The following SVEP1 variants were observed in gnomAD, a reference collection of about 807,000 sequenced individuals.
SVEP1 encodes sushi, von Willebrand factor type A, EGF and pentraxin domain-containing protein 1.
A neutral mutation model predicts 367.3 loss-of-function variants in SVEP1; 164 were observed. The observed-to-expected ratio is 0.45, with a 90% CI of 0.39 to 0.51. The LOEUF (loss-of-function observed/expected upper bound fraction) is 0.51, where lower values mean the gene tolerates loss of function less well. Ranked by LOEUF, SVEP1 falls within the 20% of genes least tolerant of loss-of-function variation. The probability of loss-of-function intolerance (pLI) is 0.00; values close to 1 mark genes in which losing one functional copy is unlikely to be tolerated. For missense variants in SVEP1, 4,117 were observed against 4,425.3 expected (o/e 0.93, Z 1.98); for synonymous variants, 1,666 against 1,611.6 (o/e 1.03, Z -0.81).
In SVEP1 at chr9:110,393,723, C is replaced by T. The variant is rs569591457; in HGVS notation, c.9823-4136G>A. 3.3e-5 allele frequency among the ~76,000 whole-genome samples: 5 copies of T among 152,342 alleles called. No individual in the cohort carries two copies. In the East Asian group the frequency reaches 7.7e-4, roughly 24 times the overall value. On this transcript the variant is annotated intron_variant, in intron 40 of 47. Transcript: ENST00000374469. Reference sequence around the variant, plus strand: ...CCAGGAGATTATATCCCGCACCTGGCTCAGAGGGTCCTATGCCCACAGAGT... The same window carrying T: ...CCAGGAGATTATATCCCGCACCTGGTTCAGAGGGTCCTATGCCCACAGAGT...
chr9:110,476,489 T>C (rs900308150), intron 13 of SVEP1, among the ~76,000 whole-genome samples, 174 bp from the exon 14 acceptor site: 1 of 152,188 alleles, frequency 6.6e-6, no homozygotes, highest in African/African-American at 2.4e-5. Flanking sequence ...CCTCTAACTG[T>C]CTGTTGGTCA....
intron 26 of SVEP1, 109 bp downstream of exon 26, chr9:110,445,728 T>C (rs1828583437): frequency 1.6e-6 from 2 of 1,242,882 alleles, no homozygotes; most frequent in Non-Finnish European, 2.3e-6. Context: ...CCCTGCTGTT[T>C]TCTGGGAACA....
chr9:110,482,474 G>A lies in SVEP1; in HGVS notation c.2057C>T (p.Thr686Ile). 1.3e-6 allele frequency: 2 copies of A among 1,576,610 alleles called. No homozygotes were observed. The highest frequency in any genetic ancestry group is 1.7e-6 in the Non-Finnish European group (2 of 1,159,668). Residue 686 changes from threonine to isoleucine, a missense_variant, in exon 11 of 48, where the codon ACC becomes ATC. Coordinates refer to ENST00000374469, the MANE Select transcript of SVEP1 (RefSeq NM_153366.4). ...SDNSGAELVITRSHTQGDLFP... is the reference protein window; with the variant it reads ...SDNSGAELVIIRSHTQGDLFP... ...AAGGTCTCCTTGTGTATGACTTCTG[G>A]TAATGACCAATTCAGCCCCTGGAAA...
intron 13 of SVEP1, among the ~76,000 whole-genome samples, chr9:110,478,525 A>C (rs1829134378): frequency 6.6e-6 from 1 of 152,204 alleles, no homozygotes; most frequent in South Asian, 2.1e-4. Flanking sequence ...AAAATATTTA[A>C]CATTTTAAAG....
chr9:110,515,825 C>T (rs927003605), intron 3 of SVEP1, among the ~76,000 whole-genome samples: 4 of 152,148 alleles, frequency 2.6e-5, no homozygotes, highest in Non-Finnish European at 5.9e-5. Flanking sequence ...ATACCATTCA[C>T]TATGTCCTAG....
chr9:110,492,289 T>C (rs1320341084), intron 8 of SVEP1, among the ~76,000 whole-genome samples: 1 of 151,894 alleles, frequency 6.6e-6, no homozygotes, highest in Non-Finnish European at 1.5e-5. Context: ...TCAGGTGTTA[T>C]CAAAGATTTT....
chr9:110,470,801 T>C (rs1012392200), intron 16 of SVEP1, among the ~76,000 whole-genome samples: 1 of 150,448 alleles, frequency 6.6e-6, no homozygotes, highest in African/African-American at 2.4e-5. Flanking sequence ...TATTATACTT[T>C]AAGTTCTAGG....
chr9:110,371,788 C>A (rs1348988949), intron 46 of SVEP1, among the ~76,000 whole-genome samples: 1 of 152,228 alleles, frequency 6.6e-6, no homozygotes, highest in South Asian at 2.1e-4. Flanking sequence ...AACTGTCTCT[C>A]AAATCTGCTC....
intron 18 of SVEP1, among the ~76,000 whole-genome samples, chr9:110,465,548 GA>G (rs1828922660): frequency 6.6e-6 from 1 of 152,140 alleles, no homozygotes; most frequent in Admixed American, 6.5e-5. Flanking sequence ...ATAAAGGAGG[GA>G]ATGAAGTTCC....
intron 1 of SVEP1, among the ~76,000 whole-genome samples, chr9:110,576,298 A>G (rs531935640): frequency 6.6e-6 from 1 of 152,264 alleles, no homozygotes; most frequent in Non-Finnish European, 1.5e-5. Context: ...ACCCTGAAAA[A>G]TAATGATAGT....
At chr9:110,570,704 C>T (rs777873068) in intron 1 of SVEP1, among the ~76,000 whole-genome samples, 3 of 152,072 alleles carry the variant, frequency 2.0e-5, no homozygotes, top group African/African-American at 2.4e-5. Flanking sequence ...TGGTCTTGAA[C>T]TCCTGACCTC....
Position 110,385,983 on chromosome 9 carries a change from AC to A in SVEP1, c.10151del (p.Cys3384LeufsTer39). On this transcript the variant is annotated frameshift_variant, in exon 43 of 48. Coordinates refer to ENST00000374469, the MANE Select transcript of SVEP1 (RefSeq NM_153366.4). LOFTEE classifies it high-confidence loss of function. The stretch of plus-strand genomic sequence containing the variant: ...GGCCCTGCAGCAGAAAACCTTCCCT[AC>A]ATTTGATGGACACATTCTGATCAAC... ...FYVDQNVSIK[C>X]REGFLLQGHG... The A allele has an allele frequency of 3.7e-6, 6 of 1,613,948 alleles. No homozygotes were observed. The highest frequency in any genetic ancestry group is 5.1e-6 in the Non-Finnish European group (6 of 1,179,876).
chr9:110,491,478 T>C (rs1258797076), intron 8 of SVEP1, among the ~76,000 whole-genome samples: 1 of 152,064 alleles, frequency 6.6e-6, no homozygotes, highest in Non-Finnish European at 1.5e-5. Flanking sequence ...CCCTTCTTTT[T>C]AAATAGAAAC....
Position 110,447,067 on chromosome 9 carries a change from A to G in SVEP1, c.4104-10T>C. On this transcript the variant is annotated splice_polypyrimidine_tract_variant and intron_variant, in intron 24 of 47. Coordinates refer to ENST00000374469, the MANE Select transcript of SVEP1 (RefSeq NM_153366.4). ...AGCTGCACACAGGCATCTGAAAGAA[A>G]ACAAAATGTTGTAACAATTAGAACA... is the stretch of plus-strand genomic sequence containing the variant. 6.8e-7 allele frequency: 1 copy of G among 1,474,164 alleles called. No homozygotes were observed. The allele number at this position is 1,474,164 out of a possible 1,614,324, so 91.3% of individuals were successfully genotyped here.
intron 27 of SVEP1, among the ~76,000 whole-genome samples, chr9:110,441,426 C>G (rs888357347): frequency 6.6e-6 from 1 of 152,180 alleles, no homozygotes; most frequent in Non-Finnish European, 1.5e-5. Flanking sequence ...ACATCCTGAG[C>G]CTCCTTCTCT....
intron 14 of SVEP1, among the ~76,000 whole-genome samples, 176 bp from the exon 15 acceptor site, chr9:110,472,499 C>T (rs1464014808): frequency 6.6e-6 from 1 of 152,082 alleles, no homozygotes; most frequent in African/African-American, 2.4e-5. Context: ...TTGATCACTT[C>T]ATATTTAATA....
intron 40 of SVEP1, among the ~76,000 whole-genome samples, chr9:110,392,948 T>C (rs1827686742): frequency 6.6e-6 from 1 of 152,210 alleles, no homozygotes; most frequent in African/African-American, 2.4e-5. Context: ...ATTTTACATT[T>C]CTTGTCCGAG....
chr9:110,410,037 T>A lies in SVEP1; in HGVS notation c.6648+1026A>T, dbSNP rs534307760. Reference sequence around the variant, plus strand: ...ATTTATAAATGAACACCTCTCTACTTATACTCTATACCCTCTTCCAATTAA... The same window carrying A: ...ATTTATAAATGAACACCTCTCTACTAATACTCTATACCCTCTTCCAATTAA... On this transcript the variant is annotated intron_variant, in intron 37 of 47. Coordinates refer to ENST00000374469, the MANE Select transcript of SVEP1 (RefSeq NM_153366.4). 1.9e-3 allele frequency among the ~76,000 whole-genome samples: 204 copies of A among 105,600 alleles called. 1 individual carries two copies. Among genetic ancestry groups the A allele is most frequent in the African/African-American group, 0.01 (185 of 18,428 alleles). The allele number at this position is 105,600 out of a possible 152,430, so 69.3% of individuals were successfully genotyped here.
chr9:110,387,087 A>G (rs1179066985), intron 42 of SVEP1, among the ~76,000 whole-genome samples, 198 bp downstream of exon 42: 1 of 152,220 alleles, frequency 6.6e-6, no homozygotes, highest in East Asian at 1.9e-4. Context: ...GAATCTGACA[A>G]AAGCTGATTC....
Sources: gnomAD v4.1 joint callset for allele counts (sites outside exome capture counted in the v4.1 genomes callset) on GRCh38, gnomAD v4.1.1 for gene constraint, MANE v1.5 for transcripts, NCBI Gene and HGNC (gene_info 2026-07-23, HGNC 2026-07-21) for gene names.